DEPDC5: variants seen among roughly 807,000 people sequenced by gnomAD.
DEPDC5 encodes DEP domain containing 5, GATOR1 subcomplex subunit.
Under a neutral mutation model 217.3 loss-of-function variants are expected in DEPDC5, and 73 were observed. That is an observed-to-expected ratio of 0.34 (90% confidence interval 0.28 to 0.41). The LOEUF is 0.41. DEPDC5 is among the 10% of genes least tolerant of loss of function. The probability of loss-of-function intolerance (pLI) is 1.00; values close to 1 mark genes in which losing one functional copy is unlikely to be tolerated. For missense variants in DEPDC5, 1,675 were observed against 2,070.1 expected, an observed-to-expected ratio of 0.81 and a Z score of 3.70; for synonymous variants, 733 against 756.7, an observed-to-expected ratio of 0.97 and a Z score of 0.51.
At chr22:31,842,090 CA>C (rs780194428) in intron 27 of DEPDC5, among the ~76,000 whole-genome samples, 4 of 152,212 alleles carry the variant, frequency 2.6e-5, no homozygotes, top group Non-Finnish European at 5.9e-5. Flanking sequence ...TAAGGAGGAA[CA>C]ACGTTTGAGC....
intron 41 of DEPDC5, among the ~76,000 whole-genome samples, chr22:31,904,270 C>T (rs191128437): frequency 8.5e-5 from 13 of 152,324 alleles, no homozygotes; most frequent in African/African-American, 2.9e-4. Context: ...GCCCTTACTG[C>T]GTTTCTGTCT....
intron 24 of DEPDC5, chr22:31,823,191 T>C (rs1306943538): frequency 2.1e-5 from 4 of 189,678 alleles, no homozygotes; most frequent in Non-Finnish European, 2.2e-5. Flanking sequence ...GTGTCCAGTT[T>C]TAAGACCAGA....
chr22:31,869,343 G>A (rs2092775271), intron 33 of DEPDC5, among the ~76,000 whole-genome samples: 1 of 152,032 alleles, frequency 6.6e-6, no homozygotes, highest in Non-Finnish European at 1.5e-5. Flanking sequence ...ATCTCCTTGA[G>A]GCCTCGGGCG....
chr22:31,844,250 A>G (rs548522226), intron 29 of DEPDC5, among the ~76,000 whole-genome samples: 1 of 152,190 alleles, frequency 6.6e-6, no homozygotes, highest in East Asian at 1.9e-4. Context: ...AAAAAAAAAT[A>G]AAATTAACTG....
chr22:31,778,066 G>A (rs779876176), intron 7 of DEPDC5, 33 bp from the exon 8 acceptor site: 1 of 1,612,494 alleles, frequency 6.2e-7, no homozygotes, highest in Non-Finnish European at 8.5e-7. Flanking sequence ...TTTCATGTAA[G>A]ACTTGTAATA....
rs143619145 is a variant in DEPDC5, at chr22:31,884,926, A to G, written c.4033+5174A>G. On this transcript the variant is annotated intron_variant, in intron 38 of 42. Transcript: ENST00000651528. ...TTTCCTGCTCTACATCCAGCCCATC[A>G]GCAAATTCAGTTTACCTTTTAGTTA... Among the ~76,000 whole-genome samples the G allele has an allele frequency of 2.6e-5, 4 of 152,350 alleles. No individual in the cohort carries two copies. In the East Asian group the frequency reaches 7.7e-4, roughly 29 times the overall value.
At chr22:31,772,409 T>A (rs1296759404) in intron 7 of DEPDC5, among the ~76,000 whole-genome samples, 4 of 152,164 alleles carry the variant, frequency 2.6e-5, no homozygotes, top group African/African-American at 9.7e-5. Flanking sequence ...TGGATCTGTA[T>A]CTGCAGAGCC....
intron 4 of DEPDC5, 28 bp downstream of exon 4, chr22:31,760,730 T>A (rs2082319018): frequency 3.2e-6 from 5 of 1,567,582 alleles, no homozygotes; most frequent in Non-Finnish European, 4.4e-6. Context: ...CTTCTTAGAA[T>A]TTTTTATTTA....
chr22:31,765,891 C>T (rs763123913), intron 5 of DEPDC5, among the ~76,000 whole-genome samples: 4 of 152,184 alleles, frequency 2.6e-5, no homozygotes, highest in East Asian at 1.9e-4. Flanking sequence ...GGTGTGGTGG[C>T]GCACCCCTGA....
chr22:31,822,501 G>A (rs990406700), intron 23 of DEPDC5, among the ~76,000 whole-genome samples, 192 bp from the exon 24 acceptor site: 4 of 152,122 alleles, frequency 2.6e-5, no homozygotes, highest in South Asian at 2.1e-4. Context: ...ACAAGGAGCC[G>A]GCACTGACAC....
chr22:31,901,871 G>A, intron 41 of DEPDC5, 69 bp downstream of exon 41: 3 of 1,470,138 alleles, frequency 2.0e-6, no homozygotes, highest in Non-Finnish European at 2.8e-6. Flanking sequence ...AGTTACCAAA[G>A]TGAAACTCAT....
chr22:31,760,588 C>T (rs1601598643), intron 3 of DEPDC5, 68 bp from the exon 4 acceptor site: 20 of 1,419,560 alleles, frequency 1.4e-5, no homozygotes, highest in Middle Eastern at 1.8e-4. Flanking sequence ...TGCCTTTTGT[C>T]GGGGATGAAG....
At chr22:31,795,180 C>T (rs1256367805) in intron 12 of DEPDC5, among the ~76,000 whole-genome samples, 1 of 151,078 alleles carries the variant, frequency 6.6e-6, no homozygotes, top group Non-Finnish European at 1.5e-5. Context: ...AAGCAATTCC[C>T]TGCCTCAGCC....
intron 27 of DEPDC5, among the ~76,000 whole-genome samples, chr22:31,842,855 A>G (rs1231496304): frequency 1.3e-5 from 2 of 152,196 alleles, no homozygotes; most frequent in Non-Finnish European, 2.9e-5. Flanking sequence ...TGTGCCATCT[A>G]GGTGCTATCA....
intron 4 of DEPDC5, among the ~76,000 whole-genome samples, chr22:31,762,900 C>T (rs1034223584): frequency 2.6e-5 from 4 of 152,040 alleles, no homozygotes; most frequent in African/African-American, 7.2e-5. Context: ...CTGCAACCTG[C>T]GCCTCCTGGG....
intron 31 of DEPDC5, among the ~76,000 whole-genome samples, chr22:31,856,929 C>T (rs1402086425): frequency 2.6e-5 from 4 of 152,038 alleles, no homozygotes; most frequent in South Asian, 2.1e-4. Context: ...ACTGCCACAC[C>T]GGGCTAATTT....
chr22:31,815,685 C>T (rs2089013357), intron 21 of DEPDC5: 1 of 605,090 alleles, frequency 1.7e-6, no homozygotes, highest in South Asian at 2.9e-5. Flanking sequence ...AGCATGCCAC[C>T]ACACCCAGCT....
chr22:31,804,287 C>G (rs1346811052), intron 16 of DEPDC5, 64 bp downstream of exon 16: 4 of 1,527,288 alleles, frequency 2.6e-6, no homozygotes, highest in Admixed American at 1.7e-5. Context: ...GAGAAAAATT[C>G]CAGGCGCTGT....
chr22:31,780,618 C>G (rs1394954247), intron 8 of DEPDC5, among the ~76,000 whole-genome samples: 1 of 152,174 alleles, frequency 6.6e-6, no homozygotes, highest in African/African-American at 2.4e-5. Context: ...CTGCCTTTCC[C>G]CTTCCCAAGC....
Sources: allele counts gnomAD v4.1 joint callset (sites outside exome capture counted in the v4.1 genomes callset), GRCh38; gene constraint gnomAD v4.1.1; transcripts MANE v1.5; gene names NCBI Gene and HGNC (gene_info 2026-07-23, HGNC 2026-07-21).